The following ANXA11 variants were observed in gnomAD, a reference collection of about 807,000 sequenced individuals.
ANXA11 encodes annexin A11.
In ANXA11, 57 loss-of-function variants were observed where a neutral mutation model predicts 64.7. That is an observed-to-expected ratio of 0.88 (90% confidence interval 0.71 to 1.10). The LOEUF (loss-of-function observed/expected upper bound fraction) is 1.10, where lower values mean the gene tolerates loss of function less well. Among genes scored for constraint, ANXA11 ranks in the 50% least tolerant of loss-of-function variants. The pLI, the probability that ANXA11 is intolerant of heterozygous loss-of-function variation, is 0.00. For synonymous variants in ANXA11, 260 were observed against 265.2 expected, an observed-to-expected ratio of 0.98 and a Z score of 0.19; for missense variants, 675 against 670.7, an observed-to-expected ratio of 1.01 and a Z score of -0.07.
chr10:80,202,771 C>T (rs1028616204), intron 1 of ANXA11, among the ~76,000 whole-genome samples: 6 of 152,102 alleles, frequency 3.9e-5, no homozygotes, highest in Admixed American at 3.9e-4. Flanking sequence ...GGAGGCCGGG[C>T]ACGGTGACTC....
chr10:80,172,024 T>C (rs11201966), intron 3 of ANXA11: 83,426 of 632,612 alleles, frequency 0.13, 5,781 homozygotes, highest in South Asian at 0.23. Context: ...GTCTGGGGTG[T>C]TCAAACCACA....
chr10:80,194,881 C>T lies in ANXA11; in HGVS notation c.-58+10462G>A, dbSNP rs183032668. Among the ~76,000 whole-genome samples the T allele has an allele frequency of 1.4e-4, 21 of 152,322 alleles. 1 individual carries two copies. The highest frequency in any genetic ancestry group is 4.3e-4 in the African/African-American group (18 of 41,564). ...ACTCGGCTAGGGCTGGCAACAGCTG[C>T]GCACCTCCCTCCCTCCTTCAGCTGC... On this transcript the variant is annotated intron_variant, in intron 1 of 15. Coordinates refer to ENST00000422982, the MANE Select transcript of ANXA11 (RefSeq NM_145868.2).
chr10:80,195,068 A>G (rs144467200), intron 1 of ANXA11, among the ~76,000 whole-genome samples: 36 of 152,224 alleles, frequency 2.4e-4, no homozygotes, highest in African/African-American at 8.7e-4. Context: ...AAGACTGAAG[A>G]GTGTGATGGC....
At chr10:80,166,048 A>ACACG in intron 8 of ANXA11, 36 bp downstream of exon 8, 1 of 375,214 alleles carries the variant, frequency 2.7e-6, no homozygotes. Flanking sequence ...GCGCGCACAC[A>ACACG]CACACACACA....
intron 1 of ANXA11, among the ~76,000 whole-genome samples, chr10:80,197,085 G>A (rs1240857039): frequency 6.6e-6 from 1 of 152,190 alleles, no homozygotes; most frequent in Admixed American, 6.5e-5. Context: ...CATTCAACCT[G>A]TTTATTTTAT....
intron 8 of ANXA11, 24 bp from the exon 9 acceptor site, chr10:80,164,167 A>T (rs1401479974): frequency 6.3e-7 from 1 of 1,595,334 alleles, no homozygotes; most frequent in Non-Finnish European, 8.6e-7. Flanking sequence ...GAATACAACC[A>T]ACCATGTGCT....
intron 3 of ANXA11, chr10:80,171,146 A>T: frequency 1.4e-6 from 2 of 1,444,918 alleles, no homozygotes; most frequent in East Asian, 5.4e-5. Context: ...GGAGTTCCCC[A>T]AACACTCCCA....
chr10:80,175,925 G>A (rs1241141598), intron 2 of ANXA11, among the ~76,000 whole-genome samples, 182 bp downstream of exon 2: 1 of 152,148 alleles, frequency 6.6e-6, no homozygotes, highest in Non-Finnish European at 1.5e-5. Flanking sequence ...GTGGTGGTGG[G>A]TGCCTGTAAT....
chr10:80,177,365 G>A (rs1021140958), intron 1 of ANXA11, among the ~76,000 whole-genome samples: 1 of 152,076 alleles, frequency 6.6e-6, no homozygotes, highest in Non-Finnish European at 1.5e-5. Flanking sequence ...TCTCCCTCCA[G>A]TGGATGCTAC....
chr10:80,203,290 A>G (rs1354566845), intron 1 of ANXA11, among the ~76,000 whole-genome samples: 1 of 152,068 alleles, frequency 6.6e-6, no homozygotes, highest in Non-Finnish European at 1.5e-5. Flanking sequence ...CACCTCCCCA[A>G]TCACGTGAAC....
intron 1 of ANXA11, among the ~76,000 whole-genome samples, chr10:80,203,021 G>A (rs7094956): frequency 0.22 from 32,767 of 145,698 alleles, 3,979 homozygotes; most frequent in Non-Finnish European, 0.28. Context: ...ACTCCAGCCT[G>A]GGTGACAGGG....
At chr10:80,171,008 G>A (rs1564612584) in intron 3 of ANXA11, 93 bp from the exon 4 acceptor site, 4 of 1,518,102 alleles carry the variant, frequency 2.6e-6, no homozygotes, top group Non-Finnish European at 3.5e-6. Context: ...CAGAAAGGGA[G>A]GCCCAGTAAA....
Position 80,157,855 on chromosome 10 carries a change from C to T in ANXA11, c.1336-92G>A, listed in dbSNP as rs944658328. 16 of 1,586,086 alleles carry T rather than the reference C, an allele frequency of 1.0e-5. No individual in the cohort carries two copies. The African/African-American group carries it at 1.3e-4, about 13-fold the overall frequency. The stretch of plus-strand genomic sequence containing the variant: ...CCAGTCCCCTCCCTACCCAGGTCCT[C>T]GGAACTCTCAGCTGAGATTTAGCTC... On this transcript the variant is annotated intron_variant, in intron 14 of 15. Transcript: ENST00000422982.
chr10:80,174,754 C>T (rs926939437), intron 2 of ANXA11, among the ~76,000 whole-genome samples: 1 of 152,118 alleles, frequency 6.6e-6, no homozygotes, highest in African/African-American at 2.4e-5. Flanking sequence ...GATGGAGTTT[C>T]GCCATGTTGG....
chr10:80,205,595 GCGGCCCCGCCC>G (rs1840647193), upstream of ANXA11: 1 of 152,032 alleles, frequency 6.6e-6, no homozygotes, highest in Non-Finnish European at 1.5e-5. Context: ...GGGCCTGAGC[GCGGCCCCGCCC>G]CCAAGATGAG....
At chr10:80,192,817 G>C (rs954389652) in intron 1 of ANXA11, among the ~76,000 whole-genome samples, 4 of 152,118 alleles carry the variant, frequency 2.6e-5, no homozygotes, top group Admixed American at 2.6e-4. Context: ...TATTTGGAAT[G>C]GATATTTCTA....
intron 2 of ANXA11, among the ~76,000 whole-genome samples, chr10:80,173,680 G>A (rs970267806): frequency 3.3e-5 from 5 of 152,220 alleles, no homozygotes; most frequent in Non-Finnish European, 2.9e-5. Flanking sequence ...GCCACATTGT[G>A]CAACCTGCCT....
intron 1 of ANXA11, among the ~76,000 whole-genome samples, chr10:80,193,182 C>G (rs553014251): frequency 5.9e-5 from 9 of 152,284 alleles, no homozygotes; most frequent in African/African-American, 2.2e-4. Context: ...GACCACGGCA[C>G]ATTACTTGCA....
chr10:80,165,327 T>C (rs1845678246), intron 8 of ANXA11, among the ~76,000 whole-genome samples: 1 of 152,144 alleles, frequency 6.6e-6, no homozygotes, highest in Non-Finnish European at 1.5e-5. Flanking sequence ...GGATTCCCTT[T>C]CCAAGGGAGC....
Sources: gnomAD v4.1 joint callset for allele counts (sites outside exome capture counted in the v4.1 genomes callset) on GRCh38, gnomAD v4.1.1 for gene constraint, MANE v1.5 for transcripts, NCBI Gene and HGNC (gene_info 2026-07-23, HGNC 2026-07-21) for gene names.